PDE1C: variants seen among roughly 807,000 people sequenced by gnomAD.
The protein encoded by PDE1C is dual specificity calcium/calmodulin-dependent 3',5'-cyclic nucleotide phosphodiesterase 1C.
PDE1C carries 62 observed loss-of-function variants against 93.1 expected under a neutral mutation model. The ratio of observed to expected loss-of-function variants is 0.67; its 90% CI spans 0.54 to 0.82. The LOEUF is 0.82. Ranked by LOEUF, PDE1C falls within the 40% of genes least tolerant of loss-of-function variation. PDE1C has a pLI of 0.00. For synonymous variants in PDE1C, 325 were observed against 310.1 expected, an observed-to-expected ratio of 1.05 and a Z score of -0.50; for missense variants, 742 against 884.6, an observed-to-expected ratio of 0.84 and a Z score of 2.04.
At chr7:31,825,074 C>T in intron 12 of PDE1C, 87 bp from the exon 13 acceptor site, 2 of 1,527,898 alleles carry the variant, frequency 1.3e-6, no homozygotes, top group Non-Finnish European at 1.8e-6. Context: ...CTAGAAGTTC[C>T]AGATCAGATT....
chr7:31,872,193 G>C (rs1387379915), intron 6 of PDE1C, among the ~76,000 whole-genome samples: 3 of 152,170 alleles, frequency 2.0e-5, no homozygotes, highest in African/African-American at 7.2e-5. Flanking sequence ...CAGTCAGAGA[G>C]TAGAATGATA....
At chr7:31,975,861 C>T (rs1229646001) in intron 2 of PDE1C, among the ~76,000 whole-genome samples, 1 of 152,156 alleles carries the variant, frequency 6.6e-6, no homozygotes, top group Non-Finnish European at 1.5e-5. Flanking sequence ...ACCAGACAGG[C>T]TAAGAACCAC....
the PDE1C span, among the ~76,000 whole-genome samples, chr7:31,649,020 A>G: frequency 1.3e-5 from 2 of 152,224 alleles, no homozygotes; most frequent in Non-Finnish European, 2.9e-5. Flanking sequence ...TGCCAACATC[A>G]GTATCACTTC....
chr7:32,421,550 A>T (rs1157687092), intron 1 of PDE1C, among the ~76,000 whole-genome samples: 1 of 152,180 alleles, frequency 6.6e-6, no homozygotes, highest in African/African-American at 2.4e-5. Context: ...GGCTCAGAGA[A>T]ATTAGTGCCT....
intron 10 of PDE1C, among the ~76,000 whole-genome samples, chr7:31,837,535 T>A (rs1791275167): frequency 6.6e-6 from 1 of 152,184 alleles, no homozygotes; most frequent in Non-Finnish European, 1.5e-5. Context: ...AATGACTGCA[T>A]CCTTCAAAAA....
the PDE1C span, among the ~76,000 whole-genome samples, chr7:31,638,487 G>T: frequency 1.3e-5 from 2 of 151,946 alleles, no homozygotes; most frequent in African/African-American, 4.8e-5. Context: ...CTAGGTTTTT[G>T]TTATAAATCC....
At chr7:32,401,816 C>A (rs375790832) in intron 1 of PDE1C, among the ~76,000 whole-genome samples, 2 of 152,180 alleles carry the variant, frequency 1.3e-5, no homozygotes, top group Admixed American at 1.3e-4. Context: ...AACTCGCCTA[C>A]GTCAGAGAGT....
intron 16 of PDE1C, among the ~76,000 whole-genome samples, chr7:31,779,905 G>A (rs554383922): frequency 1.3e-5 from 2 of 152,226 alleles, no homozygotes; most frequent in Admixed American, 6.5e-5. Context: ...TCCCTCTCAT[G>A]TCCAGGAAGA....
chr7:31,798,873 G>A (rs1034042539), intron 16 of PDE1C, among the ~76,000 whole-genome samples: 4 of 151,596 alleles, frequency 2.6e-5, no homozygotes, highest in Admixed American at 2.0e-4. Flanking sequence ...GAAAACTAAG[G>A]TGATAAAATG....
intron 1 of PDE1C, among the ~76,000 whole-genome samples, chr7:32,320,516 G>A (rs897794396): frequency 6.6e-6 from 1 of 150,824 alleles, no homozygotes; most frequent in African/African-American, 2.4e-5. Context: ...GAACTTAAAA[G>A]TGGGGGGAAA....
intron 16 of PDE1C, chr7:31,789,954 G>A: frequency 8.3e-7 from 1 of 1,205,928 alleles, no homozygotes; most frequent in East Asian, 3.8e-5. Flanking sequence ...TTTTGAGGAT[G>A]CCCCTTCATG....
intron 2 of PDE1C, among the ~76,000 whole-genome samples, chr7:31,968,799 C>T (rs1203113677): frequency 6.6e-6 from 1 of 152,098 alleles, no homozygotes; most frequent in East Asian, 1.9e-4. Context: ...ACAAATGGAA[C>T]AGAACAGAGC....
intron 1 of PDE1C, among the ~76,000 whole-genome samples, chr7:32,373,836 A>T (rs1285951557): frequency 6.6e-6 from 1 of 152,008 alleles, no homozygotes; most frequent in Non-Finnish European, 1.5e-5. Flanking sequence ...AAAAATACAG[A>T]AATTAGCCAG....
chr7:31,984,273 G>T (rs577336374), intron 2 of PDE1C, among the ~76,000 whole-genome samples: 1 of 152,252 alleles, frequency 6.6e-6, no homozygotes, highest in Admixed American at 6.5e-5. Context: ...ACCCTACTGT[G>T]AATTGTGCAC....
chr7:31,916,830 T>A (rs1053512816), intron 2 of PDE1C, among the ~76,000 whole-genome samples: 1 of 152,194 alleles, frequency 6.6e-6, no homozygotes, highest in Non-Finnish European at 1.5e-5. Flanking sequence ...ATCATGACAG[T>A]ATCAGTTCCT....
At chr7:32,401,174 A>G (rs1242379986) in intron 1 of PDE1C, among the ~76,000 whole-genome samples, 3 of 152,220 alleles carry the variant, frequency 2.0e-5, no homozygotes, top group African/African-American at 4.8e-5. Flanking sequence ...GTATGTATGT[A>G]TGTGTGTATT....
At chr7:32,378,603 A>T (rs909875707) in intron 1 of PDE1C, among the ~76,000 whole-genome samples, 5 of 152,142 alleles carry the variant, frequency 3.3e-5, no homozygotes, top group African/African-American at 1.2e-4. Flanking sequence ...ACTATTGTAG[A>T]ACCTAATATT....
chr7:32,019,135 C>T (rs1788304247), intron 2 of PDE1C, among the ~76,000 whole-genome samples: 1 of 138,450 alleles, frequency 7.2e-6, no homozygotes, highest in Non-Finnish European at 1.5e-5. Flanking sequence ...CACCACAAGA[C>T]ACATTATGTT....
At chr7:31,802,095 C>A (rs1257284234) in intron 16 of PDE1C, among the ~76,000 whole-genome samples, 1 of 151,492 alleles carries the variant, frequency 6.6e-6, no homozygotes, top group Non-Finnish European at 1.5e-5. Context: ...TGTTTTAATT[C>A]TGTGATCTTC....
Sources: allele counts gnomAD v4.1 joint callset (sites outside exome capture counted in the v4.1 genomes callset), GRCh38; gene constraint gnomAD v4.1.1; transcripts MANE v1.5; gene names NCBI Gene and HGNC (gene_info 2026-07-23, HGNC 2026-07-21).